DPYSL5: variants seen among roughly 807,000 people sequenced by gnomAD.
DPYSL5 encodes dihydropyrimidinase like 5, also known as dihydropyrimidinase-related protein 5.
A neutral mutation model predicts 58.4 loss-of-function variants in DPYSL5; 9 were observed. The observed-to-expected ratio is 0.15, with a 90% CI of 0.09 to 0.27. The LOEUF is 0.27. Among genes scored for constraint, DPYSL5 ranks in the 10% least tolerant of loss-of-function variants. The probability of loss-of-function intolerance (pLI) is 1.00; values close to 1 mark genes in which losing one functional copy is unlikely to be tolerated. For missense variants in DPYSL5, 499 were observed against 770.6 expected (o/e 0.65, Z 4.17); for synonymous variants, 293 against 301.9 (o/e 0.97, Z 0.31).
intron 1 of DPYSL5, among the ~76,000 whole-genome samples, chr2:26,865,988 C>T (rs747571210): frequency 2.0e-5 from 3 of 152,124 alleles, no homozygotes; most frequent in Non-Finnish European, 4.4e-5. Context: ...GTGAGGGGCA[C>T]CCGGTGGGTG....
At chr2:26,856,530 G>C (rs144712961) in intron 1 of DPYSL5, among the ~76,000 whole-genome samples, 40 of 152,234 alleles carry the variant, frequency 2.6e-4, no homozygotes, top group Non-Finnish European at 5.4e-4. Context: ...AAATGTGTCA[G>C]TTATGTTGCT....
rs1355041105 is a variant in DPYSL5, at chr2:26,849,180, C to T, written c.-5+926C>T. Among the ~76,000 whole-genome samples, 4 of 150,266 alleles carry T rather than the reference C, an allele frequency of 2.7e-5. No homozygotes were observed. The highest frequency in any genetic ancestry group is 2.0e-4 in the East Asian group (1 of 5,116). The stretch of plus-strand genomic sequence containing the variant: ...GGTCCGAAGAACGAGGGAAGGAGCT[C>T]GGTGCAGGTGGCGCCCGGCGAGGCT... On this transcript the variant is annotated intron_variant, in intron 1 of 12. Coordinates refer to ENST00000288699, the MANE Select transcript of DPYSL5 (RefSeq NM_020134.4). This position sits in a 1 kb window ranked among gnomAD's most constrained non-coding sequence, Gnocchi z 6.2.
At chr2:26,907,915 G>A (rs1226347209) in intron 2 of DPYSL5, among the ~76,000 whole-genome samples, 2 of 152,178 alleles carry the variant, frequency 1.3e-5, no homozygotes, top group Admixed American at 1.3e-4. Context: ...TAACGGTGTA[G>A]TCGACATCCA....
At chr2:26,896,900 A>G (rs919536193) in intron 1 of DPYSL5, among the ~76,000 whole-genome samples, 3 of 152,178 alleles carry the variant, frequency 2.0e-5, no homozygotes, top group Non-Finnish European at 4.4e-5. Context: ...CCATTTGTCT[A>G]TCTTTACTTT....
At chr2:26,857,518 C>T (rs978083187) in intron 1 of DPYSL5, among the ~76,000 whole-genome samples, 15 of 149,946 alleles carry the variant, frequency 1.0e-4, no homozygotes, top group African/African-American at 2.0e-4. Context: ...CCAGCCTGGG[C>T]GACAGAACAA....
intron 1 of DPYSL5, among the ~76,000 whole-genome samples, chr2:26,880,670 C>CT (rs779578819): frequency 6.6e-6 from 1 of 152,210 alleles, no homozygotes; most frequent in African/African-American, 2.4e-5. Flanking sequence ...CTTTGCTCCT[C>CT]TCCCCCAGCC....
Position 26,850,178 on chromosome 2 carries a change from C to T in DPYSL5, c.-5+1924C>T, listed in dbSNP as rs552095495. ...AGGGTGAGGCTCTAGGTTTGGGAGC[C>T]GCTGCTAGGGGTCCAGTGCTTTTCT... On this transcript the variant is annotated intron_variant, in intron 1 of 12. Transcript: ENST00000288699. Among the ~76,000 whole-genome samples the T allele has an allele frequency of 4.6e-5, 7 of 152,312 alleles. No individual in the cohort carries two copies. The South Asian group carries it at 1.5e-3, about 32-fold the overall frequency.
At chr2:26,910,866 G>C (rs1489581770) in intron 2 of DPYSL5, among the ~76,000 whole-genome samples, 1 of 151,746 alleles carries the variant, frequency 6.6e-6, no homozygotes, top group African/African-American at 2.4e-5. Context: ...TTTTTGAAGA[G>C]CAGTAGTTTT....
intron 1 of DPYSL5, among the ~76,000 whole-genome samples, chr2:26,882,951 C>G (rs199987832): frequency 6.8e-6 from 1 of 147,576 alleles, no homozygotes; most frequent in East Asian, 2.0e-4. Context: ...TATAGAAAGT[C>G]TGGAAAATTA....
chr2:26,855,156 G>A (rs546600570), intron 1 of DPYSL5, among the ~76,000 whole-genome samples: 6 of 151,438 alleles, frequency 4.0e-5, no homozygotes, highest in South Asian at 4.2e-4. Flanking sequence ...CATGCTGGGC[G>A]CGGTGGCTCA....
intron 1 of DPYSL5, among the ~76,000 whole-genome samples, chr2:26,880,556 C>A (rs1191985694): frequency 6.6e-6 from 1 of 152,212 alleles, no homozygotes; most frequent in African/African-American, 2.4e-5. Context: ...CATCCTCATC[C>A]CAGCTTCCTC....
intron 2 of DPYSL5, among the ~76,000 whole-genome samples, chr2:26,906,014 C>G (rs1409519539): frequency 2.0e-5 from 3 of 151,960 alleles, no homozygotes; most frequent in Non-Finnish European, 4.4e-5. Context: ...GACTGAGGTC[C>G]CTGTTTCCTT....
chr2:26,939,332 G>T (rs1665260096), intron 8 of DPYSL5: 1 of 152,068 alleles, frequency 6.6e-6, no homozygotes, highest in Non-Finnish European at 1.5e-5. Context: ...TAGAGACAGG[G>T]TTTCACCATG....
chr2:26,912,146 A>G (rs1488603351), intron 2 of DPYSL5, among the ~76,000 whole-genome samples: 1 of 152,060 alleles, frequency 6.6e-6, no homozygotes, highest in African/African-American at 2.4e-5. Context: ...CCCATTCATC[A>G]CTTATTTTGA....
chr2:26,947,025 G>A lies in DPYSL5; in HGVS notation c.*30G>A, dbSNP rs760378857. 1.4e-5 allele frequency: 22 copies of A among 1,546,608 alleles called. No homozygotes were observed. Among genetic ancestry groups the A allele is most frequent in the South Asian group, 2.3e-5 (2 of 88,062 alleles). The stretch of plus-strand genomic sequence containing the variant: ...ATTGCCAAGCCCCCCGAGTGAGGAC[G>A]CACCGCCGCCACCAGCCCGCAACTC... On this transcript the variant is annotated 3_prime_UTR_variant, in exon 13 of 13. Transcript: ENST00000288699. The surrounding 1 kb of genome is among the most constrained non-coding windows in gnomAD (Gnocchi z 4.2).
At position 26,944,912 on chromosome 2, in the gene DPYSL5, G is replaced by A. The variant is rs1231108158; in HGVS notation, c.1609+88G>A. The stretch of plus-strand genomic sequence containing the variant: ...TGGGACTTACGCCTGCTTTTCTTTT[G>A]TGTCCTCTCCTCCCTCCCGTTGCCT... On this transcript the variant is annotated intron_variant, in intron 12 of 12. Coordinates refer to ENST00000288699, the MANE Select transcript of DPYSL5 (RefSeq NM_020134.4). The surrounding 1 kb of genome is among the most constrained non-coding windows in gnomAD (Gnocchi z 4.4). The A allele has an allele frequency of 7.5e-7, 1 of 1,337,470 alleles. No homozygotes were observed. The highest frequency in any genetic ancestry group is 1.0e-6 in the Non-Finnish European group (1 of 961,644). The allele number at this position is 1,337,470 out of a possible 1,614,324, so 82.9% of individuals were successfully genotyped here.
Position 26,863,412 on chromosome 2 carries a change from C to T in DPYSL5, c.-5+15158C>T, listed in dbSNP as rs114786974. On this transcript the variant is annotated intron_variant, in intron 1 of 12. Transcript: ENST00000288699. ...CCAGGCTGGAGTTTCCATTCCTTTC[C>T]TATCACTGCTTCTCAAATCTTGCCC... Among the ~76,000 whole-genome samples, 1,172 of 152,344 alleles carry T rather than the reference C, an allele frequency of 7.7e-3. 15 individuals are homozygous for T. Among genetic ancestry groups the T allele is most frequent in the African/African-American group, 0.026 (1,099 of 41,570 alleles).
intron 1 of DPYSL5, among the ~76,000 whole-genome samples, chr2:26,856,190 T>G (rs1665872968): frequency 6.6e-6 from 1 of 152,102 alleles, no homozygotes; most frequent in Non-Finnish European, 1.5e-5. Context: ...AAACAGAAAA[T>G]TGGAGTCTCT....
At position 26,931,187 on chromosome 2, in the gene DPYSL5, G is replaced by A. The variant is rs1572714002; in HGVS notation, c.670-453G>A. Among the ~76,000 whole-genome samples the A allele has an allele frequency of 1.1e-4, 7 of 61,924 alleles. No individual in the cohort carries two copies. In the South Asian group the frequency reaches 5.0e-3, roughly 44 times the overall value. The allele number at this position is 61,924 out of a possible 152,430, so 40.6% of individuals were successfully genotyped here. A position where few individuals can be genotyped will look rare whatever the true frequency, so the allele number is the denominator to read the frequency against. ...TATATATATGTGTGTGTGTGTGTGT[G>A]TGTGTGTGTGTGTGTGTATATATAT... On this transcript the variant is annotated intron_variant, in intron 5 of 12. Transcript: ENST00000288699.
Sources: gnomAD v4.1 joint callset for allele counts (sites outside exome capture counted in the v4.1 genomes callset) on GRCh38, gnomAD v4.1.1 for gene constraint, Gnocchi (gnomAD v3.1) non-coding constraint, MANE v1.5 for transcripts, NCBI Gene and HGNC (gene_info 2026-07-23, HGNC 2026-07-21) for gene names.